The following CREBL2 variants were observed in gnomAD, a reference collection of about 807,000 sequenced individuals.
CREBL2 encodes cAMP responsive element binding protein like 2.
Under a neutral mutation model 19.5 loss-of-function variants are expected in CREBL2, and 4 were observed. The ratio of observed to expected loss-of-function variants is 0.20; its 90% CI spans 0.10 to 0.47. The LOEUF (loss-of-function observed/expected upper bound fraction) is 0.47, where lower values mean the gene tolerates loss of function less well. Among genes scored for constraint, CREBL2 ranks in the 20% least tolerant of loss-of-function variants. CREBL2 has a pLI of 0.98. For synonymous variants in CREBL2, 42 were observed against 46.6 expected (o/e 0.90, Z 0.40); for missense variants, 85 against 145.1 (o/e 0.59, Z 2.13).
At position 12,645,088 on chromosome 12, in the gene CREBL2, T is replaced by A. The variant is rs912624668; in HGVS notation, c.*3090T>A. 6.6e-6 allele frequency: 1 copy of A among 152,208 alleles called. No individual in the cohort carries two copies. Among genetic ancestry groups the A allele is most frequent in the Non-Finnish European group, 1.5e-5 (1 of 68,026 alleles). 9.4% of individuals were successfully genotyped at this position (152,208 alleles called of 1,614,324 possible). ...ACTGTTAAATAGGGAAGAACTACATTAAATTTAAATATTCACATTATGCCT... is the reference window on the plus strand; with the variant it reads ...ACTGTTAAATAGGGAAGAACTACATAAAATTTAAATATTCACATTATGCCT... On this transcript the variant is annotated 3_prime_UTR_variant, in exon 4 of 4. Transcript: ENST00000228865.
At chr12:12,628,771 C>T (rs745695664) in intron 1 of CREBL2, among the ~76,000 whole-genome samples, 6 of 152,162 alleles carry the variant, frequency 3.9e-5, no homozygotes, top group East Asian at 1.9e-4. Flanking sequence ...CCACTGCACC[C>T]GGCTTGTTCA....
At chr12:12,626,357 A>G (rs1055276155) in intron 1 of CREBL2, among the ~76,000 whole-genome samples, 1 of 152,220 alleles carries the variant, frequency 6.6e-6, no homozygotes, top group African/African-American at 2.4e-5. Context: ...AATTATCAGC[A>G]ATCCCTCCCT....
At chr12:12,619,003 C>T (rs1409287761) in intron 1 of CREBL2, among the ~76,000 whole-genome samples, 4 of 151,840 alleles carry the variant, frequency 2.6e-5, no homozygotes, top group Admixed American at 6.5e-5. Context: ...AGTCCAGCCT[C>T]AGCTGGGCAT....
chr12:12,631,691 G>A lies in CREBL2; in HGVS notation c.16-4086G>A, dbSNP rs58778681. Among the ~76,000 whole-genome samples the A allele has an allele frequency of 6.9e-3, 1,049 of 152,192 alleles. 15 individuals are homozygous for A. The highest frequency in any genetic ancestry group is 0.024 in the African/African-American group (981 of 41,502). On this transcript the variant is annotated intron_variant, in intron 1 of 3. Coordinates refer to ENST00000228865, the MANE Select transcript of CREBL2 (RefSeq NM_001310.4). ...TGCTGGTTCTTGGTTCCTAATTAACGCCCCCTATCTGTTCCTCAGTCTTTA... is the reference window on the plus strand; with the variant it reads ...TGCTGGTTCTTGGTTCCTAATTAACACCCCCTATCTGTTCCTCAGTCTTTA...
intron 1 of CREBL2, among the ~76,000 whole-genome samples, chr12:12,618,828 A>AGACCAGCCC (rs968187266): frequency 1.3e-5 from 2 of 152,246 alleles, no homozygotes; most frequent in Non-Finnish European, 2.9e-5. Context: ...CAGGAGCTGG[A>AGACCAGCCC]GACCAGCCCG....
Sources: allele counts gnomAD v4.1 joint callset (sites outside exome capture counted in the v4.1 genomes callset), GRCh38; gene constraint gnomAD v4.1.1; transcripts MANE v1.5; gene names NCBI Gene and HGNC (gene_info 2026-07-23, HGNC 2026-07-21).